The following SYT1 variants were observed in gnomAD, a reference collection of about 807,000 sequenced individuals.
The protein encoded by SYT1 is synaptotagmin-1.
In SYT1, 8 loss-of-function variants were observed where a neutral mutation model predicts 44.8. The observed-to-expected ratio is 0.18, with a 90% CI of 0.10 to 0.32. SYT1 has a LOEUF of 0.32. SYT1 is among the 10% of genes least tolerant of loss of function. The pLI is 1.00. For missense variants in SYT1, 286 were observed against 509.3 expected, an observed-to-expected ratio of 0.56 and a Z score of 4.22; for synonymous variants, 154 against 188.8, an observed-to-expected ratio of 0.82 and a Z score of 1.51.
intron 9 of SYT1, among the ~76,000 whole-genome samples, chr12:79,416,445 G>A (rs61927381): frequency 0.14 from 20,792 of 152,132 alleles, 1,853 homozygotes; most frequent in Middle Eastern, 0.33. Flanking sequence ...GACATTTTAT[G>A]TATAGATCCT....
At chr12:78,903,053 A>G (rs936988940) in intron 1 of SYT1, among the ~76,000 whole-genome samples, 7 of 152,146 alleles carry the variant, frequency 4.6e-5, no homozygotes, top group African/African-American at 1.7e-4. Flanking sequence ...TTACAGAATC[A>G]ATTCTTAACT....
intron 1 of SYT1, among the ~76,000 whole-genome samples, chr12:78,929,301 C>T (rs1220105802): frequency 6.7e-6 from 1 of 149,472 alleles, no homozygotes; most frequent in Non-Finnish European, 1.5e-5. Context: ...ACTCATGAGG[C>T]TGAGGCAGGA....
chr12:79,376,208 C>A (rs556304990), intron 9 of SYT1, among the ~76,000 whole-genome samples: 1 of 151,992 alleles, frequency 6.6e-6, no homozygotes, highest in African/African-American at 2.4e-5. Flanking sequence ...GAATTCAGGG[C>A]GAGTCTGCAG....
At chr12:79,295,180 T>C (rs1879821638) in intron 6 of SYT1, among the ~76,000 whole-genome samples, 1 of 152,148 alleles carries the variant, frequency 6.6e-6, no homozygotes, top group African/African-American at 2.4e-5. Flanking sequence ...TTGTTACCTA[T>C]ATGGATCTAA....
chr12:79,037,343 T>G (rs563734031), intron 2 of SYT1, among the ~76,000 whole-genome samples: 2 of 151,780 alleles, frequency 1.3e-5, no homozygotes, highest in South Asian at 4.2e-4. Context: ...CTCATTGTCA[T>G]CCCCCCTTTC....
intron 3 of SYT1, among the ~76,000 whole-genome samples, chr12:79,049,200 A>T (rs1874290303): frequency 6.6e-6 from 1 of 151,946 alleles, no homozygotes; most frequent in African/African-American, 2.4e-5. Context: ...TGTGACCTAT[A>T]TAAGTTATTT....
intron 4 of SYT1, among the ~76,000 whole-genome samples, chr12:79,249,198 G>A (rs1000712653): frequency 7.2e-6 from 1 of 139,340 alleles, no homozygotes; most frequent in Non-Finnish European, 1.5e-5. Flanking sequence ...TCCGCTTCCC[G>A]GGTTCACGCC....
intron 9 of SYT1, among the ~76,000 whole-genome samples, chr12:79,371,840 G>A (rs1883804448): frequency 1.3e-5 from 2 of 152,116 alleles, no homozygotes; most frequent in Admixed American, 1.3e-4. Flanking sequence ...TTGGTAAAAT[G>A]TAGTCCAGAA....
chr12:79,120,424 TA>T (rs200298249), intron 3 of SYT1, among the ~76,000 whole-genome samples: 1 of 151,684 alleles, frequency 6.6e-6, no homozygotes, highest in African/African-American at 2.4e-5. Context: ...AGTTAAAATT[TA>T]AAAAAAATAT....
chr12:79,159,409 C>G (rs956255011), intron 3 of SYT1, among the ~76,000 whole-genome samples: 3 of 152,130 alleles, frequency 2.0e-5, no homozygotes, highest in Non-Finnish European at 4.4e-5. Flanking sequence ...CTGTGGATTG[C>G]TTTCCAAGGT....
intron 3 of SYT1, among the ~76,000 whole-genome samples, chr12:79,136,662 T>C (rs1200807270): frequency 1.3e-5 from 2 of 152,218 alleles, no homozygotes; most frequent in Non-Finnish European, 2.9e-5. Flanking sequence ...ACATGTTACC[T>C]AAAGCACTTT....
At chr12:79,240,338 T>C (rs1398305083) in intron 4 of SYT1, among the ~76,000 whole-genome samples, 2 of 152,222 alleles carry the variant, frequency 1.3e-5, no homozygotes, top group Non-Finnish European at 2.9e-5. Flanking sequence ...CTTCTTATTC[T>C]CATTTTCTTC....
chr12:78,973,967 ATATATATATATATATATATATG>A (rs1868622741), intron 1 of SYT1, among the ~76,000 whole-genome samples: 2 of 95,704 alleles, frequency 2.1e-5, no homozygotes, highest in Non-Finnish European at 4.0e-5. Context: ...ATATATATAT[ATATATATATATATATATATATG>A]CAGTCATGTC....
intron 1 of SYT1, among the ~76,000 whole-genome samples, chr12:78,964,867 C>A: frequency 6.6e-6 from 1 of 152,120 alleles, no homozygotes. Context: ...AAAGATACAA[C>A]CTCTGCACTT....
chr12:79,235,129 C>G (rs948385502), intron 4 of SYT1, among the ~76,000 whole-genome samples: 1 of 152,112 alleles, frequency 6.6e-6, no homozygotes, highest in East Asian at 1.9e-4. Flanking sequence ...ATTACTATGT[C>G]TGGTAGTACA....
intron 1 of SYT1, among the ~76,000 whole-genome samples, chr12:78,943,306 A>G (rs1316690162): frequency 1.3e-5 from 2 of 152,186 alleles, no homozygotes; most frequent in African/African-American, 2.4e-5. Context: ...AGGCTTTATA[A>G]GAAGCATGGT....
chr12:79,145,982 C>T (rs1396607669), intron 3 of SYT1, among the ~76,000 whole-genome samples: 12 of 152,064 alleles, frequency 7.9e-5, no homozygotes, highest in Non-Finnish European at 5.9e-5. Flanking sequence ...TGGTCTCGAT[C>T]TCCTGACCTC....
intron 3 of SYT1, among the ~76,000 whole-genome samples, chr12:79,179,478 G>GAGATATAGATATATCTATATAGATAT (rs1343258812): frequency 3.4e-3 from 61 of 18,000 alleles, no homozygotes; most frequent in Middle Eastern, 0.019. Flanking sequence ...TATAGATATA[G>GAGATATAGATATATCTATATAGATAT]AGATATAGAT....
At position 78,973,301 on chromosome 12, in the gene SYT1, T is replaced by C. The variant is rs145577963; in HGVS notation, c.-216-4498T>C. Among the ~76,000 whole-genome samples the C allele has an allele frequency of 9.5e-4, 144 of 152,264 alleles. 1 individual carries two copies. Among genetic ancestry groups the C allele is most frequent in the African/African-American group, 3.3e-3 (137 of 41,562 alleles). On this transcript the variant is annotated intron_variant, in intron 1 of 10. Coordinates refer to ENST00000261205, the MANE Select transcript of SYT1 (RefSeq NM_005639.3). Reference sequence around the variant, plus strand: ...CACTCTTAGTATTTTTATGACTACCTCATATTATTAACTATACTCACCATG... The same window carrying C: ...CACTCTTAGTATTTTTATGACTACCCCATATTATTAACTATACTCACCATG...
Sources: allele counts gnomAD v4.1 joint callset (sites outside exome capture counted in the v4.1 genomes callset), GRCh38; gene constraint gnomAD v4.1.1; transcripts MANE v1.5; gene names NCBI Gene and HGNC (gene_info 2026-07-23, HGNC 2026-07-21).